The following MYO9A variants were observed in gnomAD, a reference collection of about 807,000 sequenced individuals.
MYO9A encodes unconventional myosin-IXa.
Under a neutral mutation model 293.3 loss-of-function variants are expected in MYO9A, and 103 were observed. That is an observed-to-expected ratio of 0.35 (90% CI 0.30 to 0.41). MYO9A has a LOEUF of 0.41. Ranked by LOEUF, MYO9A falls within the 10% of genes least tolerant of loss-of-function variation. MYO9A has a pLI of 1.00. For missense variants in MYO9A, 2,685 were observed against 3,033.0 expected (o/e 0.89, Z 2.69); for synonymous variants, 1,001 against 1,035.7 (o/e 0.97, Z 0.64).
intron 12 of MYO9A, among the ~76,000 whole-genome samples, chr15:71,971,696 A>G (rs2076016393): frequency 6.6e-6 from 1 of 151,784 alleles, no homozygotes; most frequent in African/African-American, 2.4e-5. Context: ...TACCATTGTC[A>G]TTTGCCTTCT....
intron 1 of MYO9A, among the ~76,000 whole-genome samples, chr15:72,047,394 A>G (rs1328772815): frequency 1.3e-5 from 2 of 152,170 alleles, no homozygotes; most frequent in African/African-American, 4.8e-5. Flanking sequence ...TATTTATTGC[A>G]TTCCTTACAA....
intron 9 of MYO9A, among the ~76,000 whole-genome samples, chr15:71,995,495 T>C (rs1466936935): frequency 6.6e-6 from 1 of 152,102 alleles, no homozygotes; most frequent in Non-Finnish European, 1.5e-5. Flanking sequence ...TCTGCTCTAT[T>C]TTCCTGTAAG....
Position 71,968,013 on chromosome 15 carries a change from A to T in MYO9A, c.1957T>A (p.Tyr653Asn). The change falls in exon 13 of 42, where the codon TAT becomes AAT. Residue 653 changes from tyrosine to asparagine, a missense_variant. By Grantham distance (143) the Tyr-to-Asn change is moderately radical. Coordinates refer to ENST00000356056, the MANE Select transcript of MYO9A (RefSeq NM_006901.4). Reference sequence around the variant, plus strand: ...ACCCCATATTTTACTTTTCCAGCATAATGTTTTATAATGAAAGCAGGCTCC... The same window carrying T: ...ACCCCATATTTTACTTTTCCAGCATTATGTTTTATAATGAAAGCAGGCTCC... ...VMEPAFIIKH[Y>N]AGKVKYGVKD... 6.2e-7 allele frequency: 1 copy of T among 1,610,034 alleles called. No homozygotes were observed. Among genetic ancestry groups the T allele is most frequent in the Non-Finnish European group, 8.5e-7 (1 of 1,178,662 alleles).
intron 1 of MYO9A, among the ~76,000 whole-genome samples, chr15:72,095,959 G>C (rs1315267475): frequency 6.6e-6 from 1 of 151,868 alleles, no homozygotes; most frequent in Non-Finnish European, 1.5e-5. Flanking sequence ...CTGAGGTCAA[G>C]AGTTTGAGAC....
chr15:71,863,032 T>C (rs2056201058), intron 32 of MYO9A, among the ~76,000 whole-genome samples: 1 of 151,600 alleles, frequency 6.6e-6, no homozygotes, highest in South Asian at 2.1e-4. Flanking sequence ...TTCAGGCAAT[T>C]CTCCTGCTTT....
chr15:71,873,953 G>A (rs1287290787), intron 32 of MYO9A, among the ~76,000 whole-genome samples: 1 of 152,134 alleles, frequency 6.6e-6, no homozygotes, highest in Admixed American at 6.5e-5. Flanking sequence ...AAATCTCAGT[G>A]GTGGGTGGCA....
Position 71,968,224 on chromosome 15 carries a change from A to G in MYO9A, c.1845-99T>C. 3.9e-6 allele frequency: 4 copies of G among 1,017,996 alleles called. No individual in the cohort carries two copies. In the South Asian group the frequency reaches 9.0e-5, roughly 23 times the overall value. 63.1% of individuals were successfully genotyped at this position (1,017,996 alleles called of 1,614,324 possible). A position where few individuals can be genotyped will look rare whatever the true frequency, so the allele number is the denominator to read the frequency against. On this transcript the variant is annotated intron_variant, in intron 12 of 41. Coordinates refer to ENST00000356056, the MANE Select transcript of MYO9A (RefSeq NM_006901.4). ...CAAAGTACATTACAATTACATTGCCATCTTACATAGCAGTTTACAAAAGTT... is the reference window on the plus strand; with the variant it reads ...CAAAGTACATTACAATTACATTGCCGTCTTACATAGCAGTTTACAAAAGTT...
intron 18 of MYO9A, among the ~76,000 whole-genome samples, chr15:71,923,498 T>C (rs2058210860): frequency 6.6e-6 from 1 of 152,238 alleles, no homozygotes; most frequent in South Asian, 2.1e-4. Flanking sequence ...GTAATGGACT[T>C]TTCTTCAATG....
intron 6 of MYO9A, among the ~76,000 whole-genome samples, chr15:72,016,434 G>C (rs1256390507): frequency 6.6e-6 from 1 of 152,144 alleles, no homozygotes; most frequent in African/African-American, 2.4e-5. Flanking sequence ...GCAACAACAG[G>C]TACCTTGTAA....
rs1255610365 is a variant in MYO9A, at chr15:72,047,896, A to G, written c.-71-1262T>C. On this transcript the variant is annotated intron_variant, in intron 1 of 41. Transcript: ENST00000356056. ...GGGCTCAGGTGATCCTCTCACCTCA[A>G]CCTGGCTGGGACTACAGGTGTGCGC... Among the ~76,000 whole-genome samples, 4 of 145,658 alleles carry G rather than the reference A, an allele frequency of 2.7e-5. No homozygotes were observed. The East Asian group carries it at 6.1e-4, about 22-fold the overall frequency.
intron 39 of MYO9A, among the ~76,000 whole-genome samples, chr15:71,830,960 T>G (rs952818545): frequency 1.3e-5 from 2 of 150,620 alleles, no homozygotes; most frequent in African/African-American, 4.9e-5. Flanking sequence ...GAAAATCTCA[T>G]TGCTGCTTCT....
intron 18 of MYO9A, among the ~76,000 whole-genome samples, chr15:71,922,293 A>G (rs2145115217): frequency 6.6e-6 from 1 of 152,272 alleles, no homozygotes; most frequent in Admixed American, 6.5e-5. Context: ...GCAATCTTTA[A>G]TCTACTTTAG....
intron 27 of MYO9A, among the ~76,000 whole-genome samples, chr15:71,884,544 T>A (rs1421049519): frequency 6.6e-6 from 1 of 152,168 alleles, no homozygotes; most frequent in Non-Finnish European, 1.5e-5. Context: ...TTAGGTAACT[T>A]TCCCAAAGTT....
At chr15:71,949,530 CTT>C (rs1423715581) in intron 15 of MYO9A, among the ~76,000 whole-genome samples, 1 of 151,730 alleles carries the variant, frequency 6.6e-6, no homozygotes, top group African/African-American at 2.4e-5. Flanking sequence ...GGCAGAAAGA[CTT>C]CAGTTTTTCC....
At chr15:72,024,165 G>A (rs2077591493) in intron 4 of MYO9A, among the ~76,000 whole-genome samples, 2 of 152,142 alleles carry the variant, frequency 1.3e-5, no homozygotes, top group African/African-American at 4.8e-5. Context: ...ACTAAAGGGA[G>A]TTCATTTTTC....
intron 1 of MYO9A, among the ~76,000 whole-genome samples, chr15:72,098,275 TA>T (rs567882334): frequency 6.6e-6 from 1 of 151,668 alleles, no homozygotes; most frequent in African/African-American, 2.4e-5. Flanking sequence ...TGACAACAGT[TA>T]AAGTTTCATG....
At chr15:71,969,822 A>T (rs1004904621) in intron 12 of MYO9A, among the ~76,000 whole-genome samples, 2 of 152,174 alleles carry the variant, frequency 1.3e-5, no homozygotes, top group Admixed American at 1.3e-4. Flanking sequence ...AAAAAAAAAA[A>T]TTTGGAACAC....
In MYO9A at chr15:71,826,391, C is replaced by T; in HGVS notation, c.*189G>A. The T allele has an allele frequency of 1.7e-6, 1 of 576,758 alleles. No homozygotes were observed. The allele number at this position is 576,758 out of a possible 1,614,324, so 35.7% of individuals were successfully genotyped here. On this transcript the variant is annotated 3_prime_UTR_variant, in exon 42 of 42. Coordinates refer to ENST00000356056, the MANE Select transcript of MYO9A (RefSeq NM_006901.4). ...ACAACAGCCAAGGCACAGCTGGCAC[C>T]ATCCCCAGCAGGCTTTCTGCTTCTG... is the stretch of plus-strand genomic sequence containing the variant.
At chr15:71,936,081 T>A (rs1174072068) in intron 16 of MYO9A, among the ~76,000 whole-genome samples, 1 of 151,576 alleles carries the variant, frequency 6.6e-6, no homozygotes, top group Non-Finnish European at 1.5e-5. Context: ...CAACAACAAA[T>A]GAATGGATAA....
Sources: allele counts gnomAD v4.1 joint callset (sites outside exome capture counted in the v4.1 genomes callset), GRCh38; gene constraint gnomAD v4.1.1; transcripts MANE v1.5; gene names NCBI Gene and HGNC (gene_info 2026-07-23, HGNC 2026-07-21).